SAP30BP: variants seen among roughly 807,000 people sequenced by gnomAD.
SAP30BP encodes SAP30 binding protein.
Under a neutral mutation model 46.3 loss-of-function variants are expected in SAP30BP, and 31 were observed. That is an observed-to-expected ratio of 0.67 (90% confidence interval 0.50 to 0.90). SAP30BP has a LOEUF of 0.90. Among genes scored for constraint, SAP30BP ranks in the 40% least tolerant of loss-of-function variants. SAP30BP has a pLI of 0.00. For missense variants in SAP30BP, 312 were observed against 391.0 expected (o/e 0.80, Z 1.70); for synonymous variants, 169 against 144.2 (o/e 1.17, Z -1.23).
At chr17:75,692,534 T>G (rs1410158029) in intron 3 of SAP30BP, 4 of 985,006 alleles carry the variant, frequency 4.1e-6, no homozygotes, top group African/African-American at 3.5e-5. Flanking sequence ...ACAGGTGTGT[T>G]CTTGCCATTT....
Position 75,668,634 on chromosome 17 carries a change from A to G in SAP30BP, c.216+9A>G. On this transcript the variant is annotated intron_variant, in intron 2 of 10. Transcript: ENST00000584667. Reference sequence around the variant, plus strand: ...AGAACAGTAGACAGTCGGTAGGTAAATCTCCCAGATCCAGAGCTACTGAAA... The same window carrying G: ...AGAACAGTAGACAGTCGGTAGGTAAGTCTCCCAGATCCAGAGCTACTGAAA... The G allele has an allele frequency of 6.5e-7, 1 of 1,529,114 alleles. No homozygotes were observed. The highest frequency in any genetic ancestry group is 9.0e-7 in the Non-Finnish European group (1 of 1,110,778). 94.7% of individuals were successfully genotyped at this position (1,529,114 alleles called of 1,614,324 possible).
At chr17:75,689,771 T>C (rs2060215179) in intron 3 of SAP30BP, among the ~76,000 whole-genome samples, 1 of 152,180 alleles carries the variant, frequency 6.6e-6, no homozygotes, top group Non-Finnish European at 1.5e-5. Context: ...TGCTTTTTGC[T>C]TGTATCCTCA....
rs1162679333 is a variant in SAP30BP, at chr17:75,705,735, G to A, written c.661-273G>A. 7.7e-6 allele frequency: 9 copies of A among 1,170,908 alleles called. No individual in the cohort carries two copies. The South Asian group carries it at 8.4e-5, about 11-fold the overall frequency. The allele number at this position is 1,170,908 out of a possible 1,614,324, so 72.5% of individuals were successfully genotyped here. On this transcript the variant is annotated intron_variant, in intron 9 of 10. Transcript: ENST00000584667. ...TGGCCAAACGGTTCTGGGCATGTGA[G>A]GTGGGGCGGTGGGCGGGGGGTGCCG...
rs763634619 is a variant in SAP30BP at position 75,668,613 on chromosome 17, C to T, written c.204C>T (p.Asn68=). The change falls in exon 2 of 11, where the codon AAC becomes AAT. Residue 68 remains asparagine, a synonymous_variant. Transcript: ENST00000584667. The part of the protein sequence containing the change: ...EDGYEEEEDE[N]SRQSEDDDSE... Reference sequence around the variant, plus strand: ...GTTATGAAGAAGAAGAAGATGAGAACAGTAGACAGTCGGTAGGTAAATCTC... The same window carrying T: ...GTTATGAAGAAGAAGAAGATGAGAATAGTAGACAGTCGGTAGGTAAATCTC... The T allele has an allele frequency of 6.9e-6, 11 of 1,591,426 alleles. 1 individual carries two copies. The South Asian group carries it at 1.1e-4, about 16-fold the overall frequency.
At chr17:75,668,424 C>T (rs1275484644) in intron 1 of SAP30BP, 92 bp from the exon 2 acceptor site, 15 of 715,698 alleles carry the variant, frequency 2.1e-5, no homozygotes, top group Non-Finnish European at 3.1e-5. Context: ...ATAGTCTTGG[C>T]CACTCAAATC....
chr17:75,668,625 G>T lies in SAP30BP; in HGVS notation c.216G>T (p.Ser72=). 1.3e-6 allele frequency: 2 copies of T among 1,573,768 alleles called. No individual in the cohort carries two copies. Among genetic ancestry groups the T allele is most frequent in the Non-Finnish European group, 8.7e-7 (1 of 1,151,678 alleles). The change falls in exon 2 of 11, where the codon TCG becomes TCT. Residue 72 remains serine, a splice_region_variant and synonymous_variant. Coordinates refer to ENST00000584667, the MANE Select transcript of SAP30BP (RefSeq NM_013260.8). ...EEEEDENSRQ[S]EDDDSETEKP... is the part of the protein sequence containing the mutation. ...AAGAAGATGAGAACAGTAGACAGTC[G>T]GTAGGTAAATCTCCCAGATCCAGAG...
intron 3 of SAP30BP, among the ~76,000 whole-genome samples, chr17:75,681,490 C>T (rs999252118): frequency 1.3e-5 from 2 of 152,228 alleles, no homozygotes; most frequent in East Asian, 1.9e-4. Context: ...ACCCACTCTC[C>T]TCTCAACTCC....
At chr17:75,677,161 A>G (rs1022643095) in intron 3 of SAP30BP, among the ~76,000 whole-genome samples, 2 of 137,060 alleles carry the variant, frequency 1.5e-5, no homozygotes, top group Non-Finnish European at 3.0e-5. Context: ...GCTGGAGTGC[A>G]GTGGCACAAT....
intron 4 of SAP30BP, among the ~76,000 whole-genome samples, chr17:75,697,269 G>C (rs571683649): frequency 6.6e-6 from 1 of 152,176 alleles, no homozygotes. Flanking sequence ...TGTGCCTAGC[G>C]CCTGCCAAGG....
At position 75,702,500 on chromosome 17, in the gene SAP30BP, T is replaced by C. The variant is rs764221581; in HGVS notation, c.417T>C (p.Tyr139=). The C allele has an allele frequency of 1.9e-6, 3 of 1,575,100 alleles. No individual in the cohort carries two copies. The highest frequency in any genetic ancestry group is 1.7e-5 in the Admixed American group (1 of 59,650). ...CACAGGACAAGATCCAGAAGCTTTA[T>C]GAACGAAAGATAAAGGAGGGAATGG... ...NHLQDKIQKL[Y]ERKIKEGMDM... Residue 139 remains tyrosine (Y), a synonymous_variant, in exon 6 of 11, where the codon TAT becomes TAC. Transcript: ENST00000584667.
intron 7 of SAP30BP, 94 bp from the exon 8 acceptor site, chr17:75,703,714 A>AC (rs942546663): frequency 2.7e-6 from 3 of 1,121,016 alleles, no homozygotes; most frequent in African/African-American, 1.5e-5. Context: ...GGGTAAGGGG[A>AC]CCCCAGACCA....
At chr17:75,686,383 G>A (rs942863083) in intron 3 of SAP30BP, among the ~76,000 whole-genome samples, 6 of 152,270 alleles carry the variant, frequency 3.9e-5, no homozygotes, top group Admixed American at 3.3e-4. Context: ...AGGCGTGGTG[G>A]CGGGCGCCTA....
chr17:75,703,696 C>T (rs2060450127), intron 7 of SAP30BP, 112 bp from the exon 8 acceptor site: 5 of 949,994 alleles, frequency 5.3e-6, no homozygotes, highest in Admixed American at 1.8e-5. Context: ...AGATGACAGC[C>T]GAGCCCCGGG....
intron 2 of SAP30BP, among the ~76,000 whole-genome samples, chr17:75,670,333 A>AC (rs1212081066): frequency 6.6e-6 from 1 of 152,168 alleles, no homozygotes; most frequent in African/African-American, 2.4e-5. Context: ...AAAAAAAAAA[A>AC]AATTATTTCC....
At chr17:75,683,081 G>A (rs1319858253) in intron 3 of SAP30BP, among the ~76,000 whole-genome samples, 4 of 135,352 alleles carry the variant, frequency 3.0e-5, no homozygotes, top group Admixed American at 8.0e-5. Context: ...GTCTCACTCT[G>A]TCGCCCAGGC....
intron 3 of SAP30BP, among the ~76,000 whole-genome samples, chr17:75,676,024 A>G (rs796741054): frequency 1.1e-4 from 17 of 152,380 alleles, no homozygotes; most frequent in African/African-American, 4.1e-4. Flanking sequence ...CACTTTACAA[A>G]TCTCTTTAAT....
At position 75,699,833 on chromosome 17, in the gene SAP30BP, C is replaced by G; in HGVS notation, c.358C>G (p.Pro120Ala). The change falls in exon 5 of 11, where the codon CCG (proline) becomes GCG (alanine). Residue 120 changes from proline to alanine, a missense_variant. By Grantham distance (27) the Pro-to-Ala change is conservative. Transcript: ENST00000584667. ...CATGTCGCCTGATGAAATCAAGATC[C>G]CGCCAGAACCCCCTGGCAGATGTTC... ...RNMSPDEIKI[P>A]PEPPGRCSNH... is the part of the protein sequence containing the mutation. 1 of 1,613,448 alleles carries G rather than the reference C, an allele frequency of 6.2e-7. No homozygotes were observed. Among genetic ancestry groups the G allele is most frequent in the South Asian group, 1.1e-5 (1 of 91,036 alleles).
intron 4 of SAP30BP, among the ~76,000 whole-genome samples, chr17:75,699,494 C>G (rs1375766217): frequency 6.6e-6 from 1 of 151,354 alleles, no homozygotes; most frequent in Non-Finnish European, 1.5e-5. Context: ...ACCCAGCTGA[C>G]CCCGTCTCTT....
chr17:75,703,494 T>C, intron 7 of SAP30BP, 123 bp downstream of exon 7: 1 of 796,756 alleles, frequency 1.3e-6, no homozygotes. Context: ...GAAAGCACAG[T>C]CCCTGTCTCT....
Sources: gnomAD v4.1 joint callset for allele counts (sites outside exome capture counted in the v4.1 genomes callset) on GRCh38, gnomAD v4.1.1 for gene constraint, MANE v1.5 for transcripts, NCBI Gene and HGNC (gene_info 2026-07-23, HGNC 2026-07-21) for gene names.